CTNNA2: variants seen among roughly 807,000 people sequenced by gnomAD.
The protein encoded by CTNNA2 is catenin alpha-2.
A neutral mutation model predicts 101.0 loss-of-function variants in CTNNA2; 42 were observed. The ratio of observed to expected loss-of-function variants is 0.42; its 90% CI spans 0.32 to 0.54. The LOEUF is 0.54. Among genes scored for constraint, CTNNA2 ranks in the 20% least tolerant of loss-of-function variants. The pLI, the probability that CTNNA2 is intolerant of heterozygous loss-of-function variation, is 0.14. For missense variants in CTNNA2, 871 were observed against 1,223.1 expected, an observed-to-expected ratio of 0.71 and a Z score of 4.29; for synonymous variants, 450 against 456.4, an observed-to-expected ratio of 0.99 and a Z score of 0.18.
At chr2:80,568,220 G>C (rs1229426122) in intron 12 of CTNNA2, among the ~76,000 whole-genome samples, 1 of 152,136 alleles carries the variant, frequency 6.6e-6, no homozygotes, top group East Asian at 1.9e-4. Context: ...TAAATGACTC[G>C]TGATACTTTT....
chr2:80,004,707 T>TTATTTATC, intron 7 of CTNNA2, among the ~76,000 whole-genome samples: 1 of 124,414 alleles, frequency 8.0e-6, no homozygotes, highest in African/African-American at 3.0e-5. Context: ...ATTTATTTAT[T>TTATTTATC]TATCCATCCA....
intron 2 of CTNNA2, among the ~76,000 whole-genome samples, chr2:79,283,907 C>G (rs1175301447): frequency 4.0e-5 from 3 of 74,150 alleles, no homozygotes; most frequent in African/African-American, 1.6e-4. Context: ...AATGTTCTTC[C>G]ATTTGTTTGT....
chr2:79,673,192 A>C (rs1429044436), intron 2 of CTNNA2, among the ~76,000 whole-genome samples: 1 of 152,024 alleles, frequency 6.6e-6, no homozygotes, highest in Non-Finnish European at 1.5e-5. Context: ...TCTATTACAA[A>C]ATTTTGTACA....
chr2:80,040,417 A>G (rs1485158735), intron 7 of CTNNA2, among the ~76,000 whole-genome samples: 1 of 152,200 alleles, frequency 6.6e-6, no homozygotes, highest in Non-Finnish European at 1.5e-5. Flanking sequence ...AGGGTCACAC[A>G]GCATGTTTAT....
At chr2:79,338,914 A>G (rs375118314) in intron 3 of CTNNA2, among the ~76,000 whole-genome samples, 2 of 152,132 alleles carry the variant, frequency 1.3e-5, no homozygotes, top group East Asian at 3.9e-4. Context: ...ATTCCCTGAG[A>G]TATGGACCTT....
At chr2:80,036,615 A>G (rs1695668011) in intron 7 of CTNNA2, among the ~76,000 whole-genome samples, 1 of 152,118 alleles carries the variant, frequency 6.6e-6, no homozygotes, top group Non-Finnish European at 1.5e-5. Flanking sequence ...AGTGAAAAAA[A>G]TAGGAACAAA....
At position 79,888,167 on chromosome 2, in the gene CTNNA2, G is replaced by T. The variant is rs1684032933; in HGVS notation, c.852+13825G>T. 1.3e-5 allele frequency among the ~76,000 whole-genome samples: 2 copies of T among 152,166 alleles called. 1 individual carries two copies. Among genetic ancestry groups the T allele is most frequent in the Admixed American group, 1.3e-4 (2 of 15,264 alleles). On this transcript the variant is annotated intron_variant, in intron 6 of 18. Coordinates refer to ENST00000402739, the MANE Select transcript of CTNNA2 (RefSeq NM_001282597.3). ...TAAAACCATCCCTACCTCTGGGATGGTGATAAAGATAGATGCAATACATGT... is the reference window on the plus strand; with the variant it reads ...TAAAACCATCCCTACCTCTGGGATGTTGATAAAGATAGATGCAATACATGT...
At position 79,447,581 on chromosome 2, in the gene CTNNA2, T is replaced by G. The variant is rs376668076; in HGVS notation, c.-134-57473T>G. Reference sequence around the variant, plus strand: ...ACAGAGCCTCCTAATGAGGTCCTCATGCAGTTTATTACCTGCCATCCAGGC... The same window carrying G: ...ACAGAGCCTCCTAATGAGGTCCTCAGGCAGTTTATTACCTGCCATCCAGGC... On this transcript the variant is annotated intron_variant, in intron 4 of 21. Transcript: ENST00000466387. Among the ~76,000 whole-genome samples, 7 of 152,136 alleles carry G rather than the reference T, an allele frequency of 4.6e-5. No individual in the cohort carries two copies. The East Asian group carries it at 1.2e-3, about 25-fold the overall frequency.
At chr2:79,365,272 A>C (rs1303138671) in intron 3 of CTNNA2, among the ~76,000 whole-genome samples, 2 of 116,604 alleles carry the variant, frequency 1.7e-5, no homozygotes, top group African/African-American at 6.7e-5. Flanking sequence ...GCGAGACTCC[A>C]TCTCAAAAAT....
At chr2:79,981,746 T>C (rs1191368275) in intron 7 of CTNNA2, among the ~76,000 whole-genome samples, 1 of 152,180 alleles carries the variant, frequency 6.6e-6, no homozygotes, top group Non-Finnish European at 1.5e-5. Flanking sequence ...CAGTCAAACT[T>C]GCCCATTATT....
In CTNNA2 at chr2:79,487,726, C is replaced by CT. The variant is rs1243228273; in HGVS notation, c.-134-17327dup. On this transcript the variant is annotated intron_variant, in intron 4 of 21. Transcript: ENST00000466387. ...TCCAGCTCCTCACATCTCACTACCA[C>CT]TGCATAGACAAATTCTGAGTGAGAA... 2.6e-5 allele frequency among the ~76,000 whole-genome samples: 4 copies of CT among 152,174 alleles called. No individual in the cohort carries two copies. The East Asian group carries it at 7.7e-4, about 29-fold the overall frequency.
intron 4 of CTNNA2, among the ~76,000 whole-genome samples, chr2:79,396,211 G>A (rs1374616749): frequency 6.6e-6 from 1 of 151,794 alleles, no homozygotes; most frequent in Non-Finnish European, 1.5e-5. Flanking sequence ...CTCCTAGGCT[G>A]GAGTACAATG....
rs142043313 is a variant in CTNNA2, at chr2:80,399,269, C to T, written c.1137+5978C>T. On this transcript the variant is annotated intron_variant, in intron 8 of 18. Coordinates refer to ENST00000402739, the MANE Select transcript of CTNNA2 (RefSeq NM_001282597.3). ...ATGTCAGAGCACCATTTACTTATCACCTGGAAAATAGTCATTAGGCCAAGT... is the reference window on the plus strand; with the variant it reads ...ATGTCAGAGCACCATTTACTTATCATCTGGAAAATAGTCATTAGGCCAAGT... Among the ~76,000 whole-genome samples the T allele has an allele frequency of 2.0e-5, 3 of 152,234 alleles. No homozygotes were observed. The East Asian group carries it at 5.8e-4, about 30-fold the overall frequency.
chr2:80,040,155 C>T (rs1479522025), intron 7 of CTNNA2, among the ~76,000 whole-genome samples: 9 of 152,194 alleles, frequency 5.9e-5, no homozygotes, highest in Admixed American at 5.9e-4. Context: ...TCTAACACAT[C>T]AGTAGATTCC....
At chr2:79,749,589 C>T (rs1000628145) in intron 3 of CTNNA2, among the ~76,000 whole-genome samples, 1 of 152,144 alleles carries the variant, frequency 6.6e-6, no homozygotes, top group Non-Finnish European at 1.5e-5. Context: ...TCCTGAGGCA[C>T]TCGGCATGGT....
intron 2 of CTNNA2, among the ~76,000 whole-genome samples, chr2:79,662,120 T>C (rs998740082): frequency 1.3e-5 from 2 of 151,854 alleles, no homozygotes; most frequent in Non-Finnish European, 2.9e-5. Flanking sequence ...GTACCTTTTC[T>C]TGTTTGTATC....
chr2:79,587,117 CT>C (rs2103952100), intron 1 of CTNNA2, among the ~76,000 whole-genome samples: 1 of 152,220 alleles, frequency 6.6e-6, no homozygotes, highest in Non-Finnish European at 1.5e-5. Context: ...GTGAATTGTG[CT>C]GCTATAAACG....
intron 9 of CTNNA2, among the ~76,000 whole-genome samples, chr2:80,484,414 G>A (rs149775599): frequency 1.4e-3 from 216 of 152,286 alleles, no homozygotes; most frequent in African/African-American, 5.0e-3. Context: ...ACAGTGTCTA[G>A]TGTCTTAAAA....
At chr2:79,488,794 A>G (rs892184311) in intron 4 of CTNNA2, among the ~76,000 whole-genome samples, 7 of 152,156 alleles carry the variant, frequency 4.6e-5, no homozygotes, top group African/African-American at 1.7e-4. Flanking sequence ...ATCACTTTCC[A>G]GCCCTCCTCA....
Sources: allele counts gnomAD v4.1 joint callset (sites outside exome capture counted in the v4.1 genomes callset), GRCh38; gene constraint gnomAD v4.1.1; transcripts MANE v1.5; gene names NCBI Gene and HGNC (gene_info 2026-07-23, HGNC 2026-07-21).